The following ERC2 variants were observed in gnomAD, a reference collection of about 807,000 sequenced individuals.
The protein encoded by ERC2 is ERC protein 2.
Under a neutral mutation model 114.8 loss-of-function variants are expected in ERC2, and 42 were observed. That is an observed-to-expected ratio of 0.37 (90% CI 0.29 to 0.47). The LOEUF (loss-of-function observed/expected upper bound fraction) is 0.47. Ranked by LOEUF, ERC2 falls within the 20% of genes least tolerant of loss-of-function variation. The pLI, the probability that ERC2 is intolerant of heterozygous loss-of-function variation, is 0.99. For synonymous variants in ERC2, 454 were observed against 425.5 expected (o/e 1.07, Z -0.82); for missense variants, 939 against 1,150.7 (o/e 0.82, Z 2.66).
chr3:56,308,150 G>A (rs2056341481), intron 2 of ERC2, among the ~76,000 whole-genome samples: 1 of 152,088 alleles, frequency 6.6e-6, no homozygotes, highest in Non-Finnish European at 1.5e-5. Flanking sequence ...CCAACACTAT[G>A]TCCACTTCAC....
At chr3:56,040,575 G>GTATACA (rs1214246976) in intron 7 of ERC2, among the ~76,000 whole-genome samples, 1 of 10,738 alleles carries the variant, frequency 9.3e-5, no homozygotes, top group African/African-American at 2.4e-4. Flanking sequence ...ATGTATATAT[G>GTATACA]TATACATATA....
intron 1 of ERC2, among the ~76,000 whole-genome samples, chr3:56,435,785 G>A (rs371531550): frequency 6.6e-6 from 1 of 152,314 alleles, no homozygotes; most frequent in African/African-American, 2.4e-5. Context: ...GGAGATAGAA[G>A]AAAAAGAGGT....
chr3:56,433,585 T>A (rs1405133488), intron 2 of ERC2, among the ~76,000 whole-genome samples: 1 of 152,232 alleles, frequency 6.6e-6, no homozygotes, highest in Non-Finnish European at 1.5e-5. Context: ...GTAGAAGTGC[T>A]ATGGGCTCAG....
At chr3:55,956,775 C>T (rs936049131) in intron 12 of ERC2, among the ~76,000 whole-genome samples, 2 of 152,172 alleles carry the variant, frequency 1.3e-5, no homozygotes. Context: ...TGGTCAACTG[C>T]ATAAGTCCTT....
chr3:56,280,348 T>C (rs758659838), intron 3 of ERC2, among the ~76,000 whole-genome samples: 8 of 152,160 alleles, frequency 5.3e-5, no homozygotes, highest in Non-Finnish European at 1.0e-4. Flanking sequence ...TGTATTTGTA[T>C]TGTCTAAAAC....
intron 4 of ERC2, among the ~76,000 whole-genome samples, chr3:56,164,577 G>A (rs917072347): frequency 6.6e-6 from 1 of 152,018 alleles, no homozygotes; most frequent in Non-Finnish European, 1.5e-5. Context: ...GTTTTGTGCG[G>A]ACATATGTTT....
chr3:55,772,320 CTT>C (rs536491164), intron 14 of ERC2, among the ~76,000 whole-genome samples: 1 of 138,098 alleles, frequency 7.2e-6, no homozygotes. Context: ...TTTTTGTATT[CTT>C]TTTTTTTTTT....
chr3:55,584,568 G>C (rs1030424425), intron 17 of ERC2, among the ~76,000 whole-genome samples: 2 of 152,070 alleles, frequency 1.3e-5, no homozygotes, highest in African/African-American at 2.4e-5. Context: ...TTAGTGTGGA[G>C]ATGGTGAGGC....
rs548475908 is a variant in ERC2 at position 55,945,939 on chromosome 3, T to A, written c.2403+4486A>T. On this transcript the variant is annotated intron_variant, in intron 13 of 17. Transcript: ENST00000288221. ...GGAGCACAAAACATTGGCTTGTACATTTTTTAGAAAGTTAGTTTATTAACT... is the reference window on the plus strand; with the variant it reads ...GGAGCACAAAACATTGGCTTGTACAATTTTTAGAAAGTTAGTTTATTAACT... Among the ~76,000 whole-genome samples, 603 of 152,258 alleles carry A rather than the reference T, an allele frequency of 4.0e-3. 7 individuals are homozygous for A. Among genetic ancestry groups the A allele is most frequent in the African/African-American group, 0.013 (555 of 41,566 alleles).
chr3:55,949,294 C>T (rs1216124999), intron 13 of ERC2, among the ~76,000 whole-genome samples: 3 of 151,966 alleles, frequency 2.0e-5, no homozygotes, highest in Admixed American at 6.6e-5. Context: ...GGTGTGAACC[C>T]GGGAGGTGGA....
At chr3:56,451,503 T>C (rs1408979210) in intron 1 of ERC2, among the ~76,000 whole-genome samples, 1 of 152,174 alleles carries the variant, frequency 6.6e-6, no homozygotes, top group Non-Finnish European at 1.5e-5. Context: ...CTGAGGTCTC[T>C]CAAAAATATG....
intron 6 of ERC2, among the ~76,000 whole-genome samples, chr3:56,121,699 A>G (rs1174880445): frequency 6.6e-6 from 1 of 152,236 alleles, no homozygotes; most frequent in Admixed American, 6.5e-5. Context: ...AATTTAATTC[A>G]GAAAGTCTCA....
rs572015572 is a variant in ERC2, at chr3:55,996,709, T to C, written c.2062-4459A>G. 4.6e-5 allele frequency among the ~76,000 whole-genome samples: 7 copies of C among 152,198 alleles called. No individual in the cohort carries two copies. The South Asian group carries it at 1.5e-3, about 32-fold the overall frequency. ...TCACTGATGTGGGCAGGCCTCTGGG[T>C]TTTGATGTGAACTGACTTTGAAAGC... On this transcript the variant is annotated intron_variant, in intron 10 of 17. Coordinates refer to ENST00000288221, the MANE Select transcript of ERC2 (RefSeq NM_015576.3).
At chr3:55,784,817 T>G (rs966562998) in intron 14 of ERC2, among the ~76,000 whole-genome samples, 2 of 152,236 alleles carry the variant, frequency 1.3e-5, no homozygotes, top group African/African-American at 4.8e-5. Context: ...AGTTAGTTCT[T>G]TGCATGTGCT....
intron 17 of ERC2, among the ~76,000 whole-genome samples, chr3:55,541,111 T>C (rs1157025676): frequency 6.6e-6 from 1 of 152,200 alleles, no homozygotes; most frequent in Non-Finnish European, 1.5e-5. Context: ...AAAAGCCCCA[T>C]TCCTGAAATG....
chr3:56,266,705 A>G (rs926824584), intron 3 of ERC2, among the ~76,000 whole-genome samples: 1 of 152,176 alleles, frequency 6.6e-6, no homozygotes, highest in Non-Finnish European at 1.5e-5. Flanking sequence ...AGGCCAACCT[A>G]GGCAACACAG....
chr3:56,257,855 T>A (rs546705665), intron 3 of ERC2, among the ~76,000 whole-genome samples: 9 of 152,356 alleles, frequency 5.9e-5, no homozygotes, highest in Admixed American at 2.0e-4. Flanking sequence ...AAAATTCTCA[T>A]CAAGGATTTT....
intron 2 of ERC2, among the ~76,000 whole-genome samples, chr3:56,399,280 T>A (rs1002167698): frequency 3.3e-5 from 5 of 152,196 alleles, no homozygotes; most frequent in Admixed American, 6.5e-5. Flanking sequence ...AGCCTTACAT[T>A]AATGCAGACT....
chr3:55,910,354 T>G (rs2064727233), intron 13 of ERC2, among the ~76,000 whole-genome samples: 1 of 151,798 alleles, frequency 6.6e-6, no homozygotes, highest in African/African-American at 2.4e-5. Flanking sequence ...ATCACACCAC[T>G]GCATTCCAGC....
Sources: gnomAD v4.1 joint callset for allele counts (sites outside exome capture counted in the v4.1 genomes callset) on GRCh38, gnomAD v4.1.1 for gene constraint, MANE v1.5 for transcripts, NCBI Gene and HGNC (gene_info 2026-07-23, HGNC 2026-07-21) for gene names.